DAPK1: variants seen among roughly 807,000 people sequenced by gnomAD.
DAPK1 encodes death-associated protein kinase 1.
A neutral mutation model predicts 144.9 loss-of-function variants in DAPK1; 56 were observed. The ratio of observed to expected loss-of-function variants is 0.39; its 90% CI spans 0.31 to 0.48. The LOEUF is 0.48. Among genes scored for constraint, DAPK1 ranks in the 20% least tolerant of loss-of-function variants. The pLI is 0.95. For synonymous variants in DAPK1, 690 were observed against 749.0 expected (o/e 0.92, Z 1.29); for missense variants, 1,454 against 1,875.4 (o/e 0.78, Z 4.15).
At chr9:87,566,744 T>C (rs562398363) in intron 2 of DAPK1, among the ~76,000 whole-genome samples, 53 of 152,186 alleles carry the variant, frequency 3.5e-4, no homozygotes, top group African/African-American at 1.3e-3. Flanking sequence ...AGAACAAGGA[T>C]GGGTTGGACA....
At chr9:87,608,613 G>T (rs187234353) in intron 3 of DAPK1, among the ~76,000 whole-genome samples, 2 of 152,318 alleles carry the variant, frequency 1.3e-5, no homozygotes, top group Admixed American at 6.5e-5. Flanking sequence ...TGAGAATTCC[G>T]ATTGCTCCAC....
intron 2 of DAPK1, among the ~76,000 whole-genome samples, chr9:87,520,070 A>G (rs778935686): frequency 6.6e-6 from 1 of 152,186 alleles, no homozygotes; most frequent in Non-Finnish European, 1.5e-5. Context: ...GGAAGTCTTA[A>G]TATAGAATTG....
intron 2 of DAPK1, among the ~76,000 whole-genome samples, chr9:87,519,580 G>A (rs915327244): frequency 1.3e-5 from 2 of 152,118 alleles, no homozygotes; most frequent in Non-Finnish European, 1.5e-5. Context: ...CCAGTGGCCC[G>A]CTCTGTCTGC....
intron 2 of DAPK1, among the ~76,000 whole-genome samples, chr9:87,542,536 G>A (rs1014306): frequency 0.28 from 42,724 of 152,040 alleles, 6,539 homozygotes; most frequent in Non-Finnish European, 0.35. Context: ...ATTCTGGCTC[G>A]CTTTTCCTAT....
At chr9:87,604,249 T>C (rs967487928) in intron 2 of DAPK1, among the ~76,000 whole-genome samples, 2 of 152,242 alleles carry the variant, frequency 1.3e-5, no homozygotes, top group Admixed American at 1.3e-4. Flanking sequence ...AGGGTCTTAC[T>C]TGGCATTGTG....
intron 18 of DAPK1, among the ~76,000 whole-genome samples, chr9:87,666,679 G>A (rs1831066221): frequency 6.6e-6 from 1 of 151,924 alleles, no homozygotes. Context: ...TCACCATGTT[G>A]GGCAGGCTGG....
At chr9:87,498,418 C>G (rs1824265027) in intron 1 of DAPK1, 1 of 313,158 alleles carries the variant, frequency 3.2e-6, no homozygotes, top group South Asian at 1.6e-4. Context: ...CGGCCGCACG[C>G]CGGGTCGGCC....
Position 87,646,028 on chromosome 9 carries a change from C to T in DAPK1, c.1131+14C>T, listed in dbSNP as rs537827731. Reference sequence around the variant, plus strand: ...CAACCCAACAAGGTCTGGTTCTGTTCTGCCGCATACTGGAGGGGTGGGTCA... The same window carrying T: ...CAACCCAACAAGGTCTGGTTCTGTTTTGCCGCATACTGGAGGGGTGGGTCA... On this transcript the variant is annotated intron_variant, in intron 12 of 25. Coordinates refer to ENST00000408954, the MANE Select transcript of DAPK1 (RefSeq NM_004938.4). 1 of 1,611,344 alleles carries T rather than the reference C, an allele frequency of 6.2e-7. No individual in the cohort carries two copies. The highest frequency in any genetic ancestry group is 8.5e-7 in the Non-Finnish European group (1 of 1,178,350).
chr9:87,574,693 G>A (rs896588702), intron 2 of DAPK1, among the ~76,000 whole-genome samples: 4 of 152,188 alleles, frequency 2.6e-5, no homozygotes, highest in Non-Finnish European at 5.9e-5. Flanking sequence ...GCCAAGGTGG[G>A]CAAATACCTG....
intron 2 of DAPK1, among the ~76,000 whole-genome samples, chr9:87,529,361 C>T (rs907886970): frequency 6.6e-6 from 1 of 152,192 alleles, no homozygotes; most frequent in Non-Finnish European, 1.5e-5. Flanking sequence ...CATACAGATT[C>T]GCTTCCAGTA....
rs759344653 is a variant in DAPK1 at position 87,651,665 on chromosome 9, A to G, written c.1765A>G (p.Asn589Asp). ...TPLHVACKDG[N>D]MPIVVALCEA... ...CCTCCATGTGGCATGTAAAGATGGC[A>G]ACATGCCTATCGTGGTGGCCCTCTG... The change falls in exon 17 of 26, where the codon AAC becomes GAC. Residue 589 changes from asparagine (N) to aspartate (D), a missense_variant. Physicochemically the swap from Asn to Asp is conservative, Grantham distance 23. Around this residue, in one of 2 missense-constraint regions of DAPK1, gnomAD observed 1,025 missense variants for 1,237.9 expected, o/e 0.83. Coordinates refer to ENST00000408954, the MANE Select transcript of DAPK1 (RefSeq NM_004938.4). 3.1e-6 allele frequency: 5 copies of G among 1,614,226 alleles called. No individual in the cohort carries two copies. The highest frequency in any genetic ancestry group is 4.2e-6 in the Non-Finnish European group (5 of 1,180,034).
chr9:87,699,634 G>T (rs891377934), intron 23 of DAPK1, among the ~76,000 whole-genome samples: 24 of 152,158 alleles, frequency 1.6e-4, no homozygotes, highest in African/African-American at 5.8e-4. Flanking sequence ...CTCTGATCTT[G>T]CATTATCAAC....
chr9:87,571,472 CA>C (rs1408577565), intron 2 of DAPK1, among the ~76,000 whole-genome samples: 11,602 of 52,758 alleles, frequency 0.22, 1,896 homozygotes, highest in Non-Finnish European at 0.23. Context: ...CACACACACA[CA>C]CCAACACACA....
intron 2 of DAPK1, among the ~76,000 whole-genome samples, chr9:87,536,836 C>T (rs972224678): frequency 6.6e-6 from 1 of 151,958 alleles, no homozygotes; most frequent in Admixed American, 6.5e-5. Flanking sequence ...TAAATTTATT[C>T]AAAATTCAAC....
At chr9:87,595,628 C>T (rs771982301) in intron 2 of DAPK1, among the ~76,000 whole-genome samples, 1 of 152,246 alleles carries the variant, frequency 6.6e-6, no homozygotes, top group Non-Finnish European at 1.5e-5. Context: ...GCCCGACCCA[C>T]GCTGGCCTTG....
intron 24 of DAPK1, chr9:87,701,841 C>G (rs757695379): frequency 1.7e-5 from 8 of 469,672 alleles, no homozygotes; most frequent in South Asian, 1.2e-4. Flanking sequence ...TCCAGAAAAC[C>G]CTGCCCTTCA....
intron 3 of DAPK1, among the ~76,000 whole-genome samples, chr9:87,606,244 A>G (rs1269814625): frequency 6.6e-6 from 1 of 152,164 alleles, no homozygotes; most frequent in Admixed American, 6.5e-5. Flanking sequence ...TCCACTTTGC[A>G]ATCCCAGGTG....
chr9:87,530,812 A>G (rs1211430701), intron 2 of DAPK1, among the ~76,000 whole-genome samples: 1 of 152,144 alleles, frequency 6.6e-6, no homozygotes, highest in Non-Finnish European at 1.5e-5. Flanking sequence ...CAAACATCCA[A>G]AGAAACCCCC....
chr9:87,700,907 A>T (rs746351255), intron 24 of DAPK1, among the ~76,000 whole-genome samples: 6 of 152,262 alleles, frequency 3.9e-5, no homozygotes, highest in Admixed American at 1.3e-4. Flanking sequence ...GACAGAAAAG[A>T]ATAAATGAAC....
Sources: allele counts gnomAD v4.1 joint callset (sites outside exome capture counted in the v4.1 genomes callset), GRCh38; gene constraint gnomAD v4.1.1; regional missense constraint gnomAD v4.1.1; transcripts MANE v1.5; gene names NCBI Gene and HGNC (gene_info 2026-07-23, HGNC 2026-07-21).